The following PIRT variants were observed in gnomAD, a reference collection of about 807,000 sequenced individuals.
PIRT encodes phosphoinositide-interacting protein.
In PIRT, 6 loss-of-function variants were observed where a neutral mutation model predicts 7.9. That is an observed-to-expected ratio of 0.76 (90% CI 0.42 to 1.51). PIRT has a LOEUF of 1.51. Ranked by LOEUF, PIRT falls within the 40% of genes most tolerant of loss-of-function variation. The pLI is 0.01. For missense variants in PIRT, 170 were observed against 172.9 expected, an observed-to-expected ratio of 0.98 and a Z score of 0.09; for synonymous variants, 78 against 71.8, an observed-to-expected ratio of 1.09 and a Z score of -0.44.
chr17:10,830,885 T>C (rs540576447), intron 1 of PIRT, among the ~76,000 whole-genome samples: 1 of 152,184 alleles, frequency 6.6e-6, no homozygotes, highest in African/African-American at 2.4e-5. Flanking sequence ...TATTGTAGGA[T>C]AGTTAGCAAC....
chr17:10,832,255 C>T (rs568009272), intron 1 of PIRT, among the ~76,000 whole-genome samples: 19 of 152,112 alleles, frequency 1.2e-4, no homozygotes, highest in East Asian at 9.6e-4. Context: ...TGCAATGGCA[C>T]GATCTCGGCT....
chr17:10,835,465 G>C (rs536584603), intron 1 of PIRT, among the ~76,000 whole-genome samples: 1 of 152,308 alleles, frequency 6.6e-6, no homozygotes, highest in South Asian at 2.1e-4. Flanking sequence ...ATCTGGATTG[G>C]AATGTGAGTT....
chr17:10,835,707 C>A (rs1385490235), intron 1 of PIRT, among the ~76,000 whole-genome samples: 1 of 152,242 alleles, frequency 6.6e-6, no homozygotes, highest in Non-Finnish European at 1.5e-5. Context: ...AAGAGGCCAG[C>A]AAGGGGCCTG....
At position 10,823,417 on chromosome 17, in the gene PIRT, T is replaced by A. The variant is rs1707447561; in HGVS notation, c.*1815A>T. ...GTAGGGGTGGTCCCCATGACACAAG[T>A]GCTTTCCTCCATGGATTTTCTCACA... On this transcript the variant is annotated 3_prime_UTR_variant, in exon 2 of 2. Coordinates refer to ENST00000580256, the MANE Select transcript of PIRT (RefSeq NM_001101387.2). 2 of 152,204 alleles carry A rather than the reference T, an allele frequency of 1.3e-5. No individual in the cohort carries two copies. The highest frequency in any genetic ancestry group is 2.9e-5 in the Non-Finnish European group (2 of 68,062). 9.4% of individuals were successfully genotyped at this position (152,204 alleles called of 1,614,324 possible). A position where few individuals can be genotyped will look rare whatever the true frequency, so the allele number is the denominator to read the frequency against.
intron 1 of PIRT, among the ~76,000 whole-genome samples, chr17:10,828,693 T>A (rs566313568): frequency 3.9e-5 from 6 of 152,304 alleles, no homozygotes; most frequent in African/African-American, 1.4e-4. Context: ...TCTCCTTCAA[T>A]CCTTCCGACG....
rs1339434387 is a variant in PIRT, at chr17:10,823,187, G to C, written c.*2045C>G. ...TCAGAAGAAGGGAAATGATCTGCAA[G>C]GTTTGTCACTGAGGCACTAAAACTA... On this transcript the variant is annotated 3_prime_UTR_variant, in exon 2 of 2. Coordinates refer to ENST00000580256, the MANE Select transcript of PIRT (RefSeq NM_001101387.2). 6.6e-6 allele frequency: 1 copy of C among 152,250 alleles called. No homozygotes were observed. Among genetic ancestry groups the C allele is most frequent in the Admixed American group, 6.5e-5 (1 of 15,284 alleles). 9.4% of individuals were successfully genotyped at this position (152,250 alleles called of 1,614,324 possible).
chr17:10,832,976 G>A (rs897362917), intron 1 of PIRT, among the ~76,000 whole-genome samples: 2 of 152,146 alleles, frequency 1.3e-5, no homozygotes, highest in African/African-American at 2.4e-5. Context: ...CCCACTTCCT[G>A]GTTTAAAGAA....
chr17:10,825,761 G>T lies in PIRT; in HGVS notation c.-116C>A. ...ATCCATCTCTAGCCCCGCTCTCAGT[G>T]GAGGGTGAACAAGGTTTTTGTGCTG... On this transcript the variant is annotated 5_prime_UTR_variant, in exon 2 of 2. Coordinates refer to ENST00000580256, the MANE Select transcript of PIRT (RefSeq NM_001101387.2). 1 of 1,049,340 alleles carries T rather than the reference G, an allele frequency of 9.5e-7. No individual in the cohort carries two copies. Among genetic ancestry groups the T allele is most frequent in the Non-Finnish European group, 1.3e-6 (1 of 797,490 alleles). The allele number at this position is 1,049,340 out of a possible 1,614,324, so 65.0% of individuals were successfully genotyped here. A position where few individuals can be genotyped will look rare whatever the true frequency, so the allele number is the denominator to read the frequency against.
chr17:10,825,334 C>G lies in PIRT; in HGVS notation c.312G>C (p.Leu104=). 1 of 1,613,968 alleles carries G rather than the reference C, an allele frequency of 6.2e-7. No individual in the cohort carries two copies. The highest frequency in any genetic ancestry group is 8.5e-7 in the Non-Finnish European group (1 of 1,179,890). Residue 104 remains leucine (L), a synonymous_variant, in exon 2 of 2, where the codon CTG becomes CTC. Transcript: ENST00000580256. ...TGGGCACCCACACCAGCCCGCACAC[C>G]AGCATCATGAGTCCCAGGGACAGGA... is the stretch of plus-strand genomic sequence containing the variant. ...PGFLSLGLMM[L]VCGLVWVPII...
chr17:10,830,145 T>A (rs1263012525), intron 1 of PIRT, among the ~76,000 whole-genome samples: 2 of 152,164 alleles, frequency 1.3e-5, no homozygotes, highest in African/African-American at 2.4e-5. Context: ...AGAGAAGCAG[T>A]TCTCTTCCCC....
intron 1 of PIRT, among the ~76,000 whole-genome samples, chr17:10,833,172 A>G (rs1416403563): frequency 6.6e-6 from 1 of 152,190 alleles, no homozygotes; most frequent in Non-Finnish European, 1.5e-5. Context: ...ATTCACATGG[A>G]AAAAAGAATG....
intron 1 of PIRT, among the ~76,000 whole-genome samples, chr17:10,826,748 C>T (rs1009405758): frequency 7.9e-5 from 12 of 152,214 alleles, no homozygotes; most frequent in African/African-American, 1.9e-4. Context: ...AACACCGTTT[C>T]GTGCAGCCTG....
chr17:10,834,615 A>T (rs893524001), intron 1 of PIRT, among the ~76,000 whole-genome samples: 1 of 151,998 alleles, frequency 6.6e-6, no homozygotes, highest in African/African-American at 2.4e-5. Context: ...TTTTTGAGAC[A>T]GAGTTTTGCT....
intron 1 of PIRT, among the ~76,000 whole-genome samples, chr17:10,829,476 G>A (rs574487772): frequency 1.2e-4 from 19 of 152,256 alleles, no homozygotes; most frequent in Admixed American, 7.2e-4. Context: ...CAACGCGGTC[G>A]CTAGTTCAGT....
chr17:10,828,660 G>C (rs994526003), intron 1 of PIRT, among the ~76,000 whole-genome samples: 2 of 152,180 alleles, frequency 1.3e-5, no homozygotes, highest in Admixed American at 6.5e-5. Flanking sequence ...GTTACACAGA[G>C]AGGAGTCCTT....
At chr17:10,830,266 C>T (rs1178789255) in intron 1 of PIRT, among the ~76,000 whole-genome samples, 1 of 152,186 alleles carries the variant, frequency 6.6e-6, no homozygotes, top group African/African-American at 2.4e-5. Context: ...CAGGGCAGGG[C>T]TGTGAGTGGA....
At chr17:10,827,050 G>T (rs531390251) in intron 1 of PIRT, among the ~76,000 whole-genome samples, 1 of 152,006 alleles carries the variant, frequency 6.6e-6, no homozygotes, top group Non-Finnish European at 1.5e-5. Context: ...GACCTCAGGT[G>T]ATCTACCTGT....
At chr17:10,836,941 G>A (rs1905605526) in intron 1 of PIRT, among the ~76,000 whole-genome samples, 1 of 152,156 alleles carries the variant, frequency 6.6e-6, no homozygotes, top group South Asian at 2.1e-4. Flanking sequence ...CATCCCCACG[G>A]TCCCTTATCT....
intron 1 of PIRT, among the ~76,000 whole-genome samples, chr17:10,829,011 T>G (rs760096847): frequency 3.3e-5 from 5 of 152,238 alleles, no homozygotes; most frequent in African/African-American, 1.2e-4. Flanking sequence ...TATATTTGCA[T>G]AAGCAAAGTA....
Sources: allele counts gnomAD v4.1 joint callset (sites outside exome capture counted in the v4.1 genomes callset), GRCh38; gene constraint gnomAD v4.1.1; transcripts MANE v1.5; gene names NCBI Gene and HGNC (gene_info 2026-07-23, HGNC 2026-07-21).